GPD2: variants seen among roughly 807,000 people sequenced by gnomAD.
GPD2 encodes glycerol-3-phosphate dehydrogenase, mitochondrial.
A neutral mutation model predicts 82.4 loss-of-function variants in GPD2; 54 were observed. The ratio of observed to expected loss-of-function variants is 0.66; its 90% CI spans 0.53 to 0.82. The LOEUF is 0.82. GPD2 is among the 40% of genes least tolerant of loss of function. The pLI, the probability that GPD2 is intolerant of heterozygous loss-of-function variation, is 0.00. For missense variants in GPD2, 748 were observed against 896.2 expected (o/e 0.83, Z 2.11); for synonymous variants, 288 against 306.1 (o/e 0.94, Z 0.62).
upstream of GPD2, among the ~76,000 whole-genome samples, chr2:156,431,885 C>CT (rs34394250): frequency 0.56 from 67,174 of 119,828 alleles, 18,801 homozygotes; most frequent in East Asian, 0.76. Flanking sequence ...TCTGTGAAAT[C>CT]TTTTTTTTTT....
Position 156,547,777 on chromosome 2 carries a change from A to G in GPD2, c.662-1831A>G, listed in dbSNP as rs566750012. Among the ~76,000 whole-genome samples the G allele has an allele frequency of 6.7e-4, 102 of 152,394 alleles. 1 individual carries two copies. The highest frequency in any genetic ancestry group is 6.7e-3 in the Admixed American group (102 of 15,308). ...TTTTATATTTTAAACACATATTAAA[A>G]GAAAATTTTATCTTTTTAAAGTCAC... On this transcript the variant is annotated intron_variant, in intron 6 of 16. Coordinates refer to ENST00000438166, the MANE Select transcript of GPD2 (RefSeq NM_000408.5).
chr2:156,449,455 C>G (rs1248958794), intron 1 of GPD2, among the ~76,000 whole-genome samples: 1 of 152,142 alleles, frequency 6.6e-6, no homozygotes, highest in African/African-American at 2.4e-5. Context: ...TTCTCCCCAA[C>G]AAGAGAGTAC....
At chr2:156,424,064 T>A in the GPD2 span, among the ~76,000 whole-genome samples, 1 of 152,092 alleles carries the variant, frequency 6.6e-6, no homozygotes, top group Non-Finnish European at 1.5e-5. Context: ...AATTAGCTAA[T>A]AAAGCAAACA....
intron 1 of GPD2, among the ~76,000 whole-genome samples, chr2:156,461,141 C>T (rs1339384158): frequency 6.9e-6 from 1 of 145,278 alleles, no homozygotes; most frequent in Non-Finnish European, 1.5e-5. Context: ...ACTAAATTAT[C>T]ACATTATCTC....
chr2:156,572,394 T>C (rs1687672748), intron 13 of GPD2, among the ~76,000 whole-genome samples: 1 of 152,178 alleles, frequency 6.6e-6, no homozygotes, highest in African/African-American at 2.4e-5. Context: ...CAACCGTTTC[T>C]TAACACATCC....
chr2:156,448,764 A>G (rs192499069), intron 1 of GPD2, among the ~76,000 whole-genome samples: 1 of 152,350 alleles, frequency 6.6e-6, no homozygotes, highest in African/African-American at 2.4e-5. Flanking sequence ...GGTAAGAGTG[A>G]GAGGTGTCTG....
intron 6 of GPD2, among the ~76,000 whole-genome samples, chr2:156,525,248 C>T (rs1573961916): frequency 6.6e-6 from 1 of 152,168 alleles, no homozygotes; most frequent in Admixed American, 6.6e-5. Context: ...TCATATTGCC[C>T]ATCTCTGGCC....
At chr2:156,506,058 A>G (rs1038260939) in intron 3 of GPD2, among the ~76,000 whole-genome samples, 23 of 152,206 alleles carry the variant, frequency 1.5e-4, no homozygotes, top group Non-Finnish European at 8.8e-5. Context: ...AGTTGCAGCT[A>G]TGACTTCTAA....
chr2:156,552,405 C>CATT (rs755880227), intron 8 of GPD2, among the ~76,000 whole-genome samples: 1 of 152,116 alleles, frequency 6.6e-6, no homozygotes, highest in Non-Finnish European at 1.5e-5. Flanking sequence ...AAGTTTTCAA[C>CATT]ATTAGTTCCA....
the GPD2 span, among the ~76,000 whole-genome samples, chr2:156,415,394 G>C: frequency 2.6e-5 from 4 of 151,740 alleles, no homozygotes; most frequent in Admixed American, 1.3e-4. Flanking sequence ...TCTTGACCTC[G>C]TGATCCACCC....
intron 13 of GPD2, among the ~76,000 whole-genome samples, chr2:156,575,345 T>A (rs1413746987): frequency 1.3e-5 from 2 of 152,096 alleles, no homozygotes; most frequent in Admixed American, 6.6e-5. Context: ...CGGAAGCTAG[T>A]AAGGAATCAC....
chr2:156,409,528 A>G, the GPD2 span, among the ~76,000 whole-genome samples: 2 of 151,460 alleles, frequency 1.3e-5, no homozygotes, highest in Admixed American at 6.6e-5. Context: ...AGACCCCCCA[A>G]CTCCACAAAA....
chr2:156,567,842 G>C (rs1687446683), intron 9 of GPD2, among the ~76,000 whole-genome samples: 1 of 152,132 alleles, frequency 6.6e-6, no homozygotes, highest in Admixed American at 6.6e-5. Context: ...TTCAACAGCT[G>C]TCTAATTCTA....
chr2:156,579,325 C>A (rs1270121784), intron 15 of GPD2, among the ~76,000 whole-genome samples, 161 bp downstream of exon 15: 2 of 142,830 alleles, frequency 1.4e-5, no homozygotes, highest in African/African-American at 2.6e-5. Flanking sequence ...TTTCTTTTTT[C>A]TTTCTTTTTT....
intron 1 of GPD2, among the ~76,000 whole-genome samples, chr2:156,467,595 C>T (rs1031640256): frequency 5.9e-5 from 9 of 152,096 alleles, no homozygotes; most frequent in Admixed American, 2.6e-4. Context: ...AAGAAGGTGA[C>T]GGAAGGATAA....
chr2:156,451,208 C>A (rs1682553373), intron 1 of GPD2, among the ~76,000 whole-genome samples: 2 of 152,068 alleles, frequency 1.3e-5, no homozygotes, highest in South Asian at 4.1e-4. Flanking sequence ...GGTGGCCGGG[C>A]AGAGGGGCTC....
intron 2 of GPD2, among the ~76,000 whole-genome samples, chr2:156,482,445 TA>T (rs1354762196): frequency 1.3e-5 from 2 of 152,196 alleles, no homozygotes; most frequent in African/African-American, 2.4e-5. Flanking sequence ...GATATGTTGC[TA>T]AAAAGTTACA....
intron 13 of GPD2, among the ~76,000 whole-genome samples, chr2:156,573,122 G>T (rs538517900): frequency 9.2e-5 from 14 of 152,274 alleles, no homozygotes; most frequent in Non-Finnish European, 1.6e-4. Context: ...TTACATATCA[G>T]TCACCTGGGA....
Position 156,583,108 on chromosome 2 carries a change from C to T in GPD2, c.*190C>T. ...ATTTGCTGTACTTTATTTGTATTTGCCATTCAGTCTAGCTTTTAAGTATAT... is the reference window on the plus strand; with the variant it reads ...ATTTGCTGTACTTTATTTGTATTTGTCATTCAGTCTAGCTTTTAAGTATAT... On this transcript the variant is annotated 3_prime_UTR_variant, in exon 17 of 17. Coordinates refer to ENST00000438166, the MANE Select transcript of GPD2 (RefSeq NM_000408.5). 1 of 639,296 alleles carries T rather than the reference C, an allele frequency of 1.6e-6. No homozygotes were observed. The highest frequency in any genetic ancestry group is 2.8e-6 in the Non-Finnish European group (1 of 360,106). 39.6% of individuals were successfully genotyped at this position (639,296 alleles called of 1,614,324 possible). A position where few individuals can be genotyped will look rare whatever the true frequency, so the allele number is the denominator to read the frequency against.
Sources: gnomAD v4.1 joint callset for allele counts (sites outside exome capture counted in the v4.1 genomes callset) on GRCh38, gnomAD v4.1.1 for gene constraint, MANE v1.5 for transcripts, NCBI Gene and HGNC (gene_info 2026-07-23, HGNC 2026-07-21) for gene names.